The following STXBP5L variants were observed in gnomAD, a reference collection of about 807,000 sequenced individuals.
STXBP5L encodes syntaxin-binding protein 5-like.
In STXBP5L, 65 loss-of-function variants were observed where a neutral mutation model predicts 144.5. That is an observed-to-expected ratio of 0.45 (90% CI 0.37 to 0.55). STXBP5L has a LOEUF of 0.55. Among genes scored for constraint, STXBP5L ranks in the 20% least tolerant of loss-of-function variants. The probability of loss-of-function intolerance (pLI) is 0.00; values close to 1 mark genes in which losing one functional copy is unlikely to be tolerated. For synonymous variants in STXBP5L, 505 were observed against 469.6 expected (o/e 1.08, Z -0.97); for missense variants, 1,298 against 1,405.5 (o/e 0.92, Z 1.22).
intron 5 of STXBP5L, among the ~76,000 whole-genome samples, chr3:121,103,827 A>G (rs2043555082): frequency 6.6e-6 from 1 of 152,194 alleles, no homozygotes; most frequent in South Asian, 2.1e-4. Flanking sequence ...AGAACAGATA[A>G]AGAAAATTAA....
chr3:121,103,326 G>A (rs2043526730), intron 5 of STXBP5L, among the ~76,000 whole-genome samples: 1 of 152,084 alleles, frequency 6.6e-6, no homozygotes, highest in East Asian at 1.9e-4. Context: ...GAAGAAAATT[G>A]GTGCATATAC....
chr3:121,045,630 C>T (rs759680131), intron 5 of STXBP5L, 95 bp downstream of exon 5: 10 of 1,047,774 alleles, frequency 9.5e-6, no homozygotes, highest in Non-Finnish European at 1.4e-5. Context: ...TCCTCATAAT[C>T]TCAACAGCTA....
chr3:121,181,566 T>A (rs377682123), intron 9 of STXBP5L, among the ~76,000 whole-genome samples: 76 of 152,266 alleles, frequency 5.0e-4, no homozygotes, highest in African/African-American at 1.8e-3. Context: ...AAACCCCTTC[T>A]CTACTAAAAA....
Position 121,091,166 on chromosome 3 carries a change from T to C in STXBP5L, c.471-23759T>C, listed in dbSNP as rs573256811. 6.3e-4 allele frequency among the ~76,000 whole-genome samples: 93 copies of C among 147,816 alleles called. 3 individuals are homozygous for C. The highest frequency in any genetic ancestry group is 2.1e-4 in the Non-Finnish European group (14 of 67,772). ...GTGTATATGTGCCACATTTTCTTAA[T>C]CCAGTCTATCATTGATGGACATTTG... On this transcript the variant is annotated intron_variant, in intron 5 of 26. Coordinates refer to ENST00000471454, the MANE Select transcript of STXBP5L (RefSeq NM_001308330.2).
intron 3 of STXBP5L, among the ~76,000 whole-genome samples, chr3:120,957,296 G>A (rs895005549): frequency 4.6e-5 from 7 of 151,786 alleles, no homozygotes; most frequent in East Asian, 1.9e-4. Context: ...TGAAATGATC[G>A]GATAGTTTTT....
intron 2 of STXBP5L, among the ~76,000 whole-genome samples, chr3:120,945,090 T>C (rs1377296838): frequency 6.6e-6 from 1 of 151,842 alleles, no homozygotes; most frequent in African/African-American, 2.4e-5. Context: ...TTACTACAGA[T>C]ATTTTATCTC....
At chr3:120,915,171 C>T (rs1288091156) in intron 2 of STXBP5L, among the ~76,000 whole-genome samples, 3 of 152,100 alleles carry the variant, frequency 2.0e-5, no homozygotes, top group Non-Finnish European at 4.4e-5. Context: ...CTCATACATA[C>T]AGAGCTAAGT....
intron 5 of STXBP5L, among the ~76,000 whole-genome samples, chr3:121,094,148 A>G (rs192901025): frequency 2.4e-4 from 36 of 151,916 alleles, no homozygotes; most frequent in Middle Eastern, 3.4e-3. Flanking sequence ...AGTTTGTTAT[A>G]ATTTCTGTTC....
intron 7 of STXBP5L, among the ~76,000 whole-genome samples, chr3:121,123,788 G>C (rs1577014675): frequency 6.6e-6 from 1 of 151,804 alleles, no homozygotes; most frequent in East Asian, 1.9e-4. Context: ...GCATTTATTA[G>C]CATATAATCT....
intron 3 of STXBP5L, among the ~76,000 whole-genome samples, chr3:120,992,128 T>C (rs1013998164): frequency 2.0e-5 from 3 of 152,140 alleles, no homozygotes; most frequent in Non-Finnish European, 4.4e-5. Flanking sequence ...TCAATCTGCT[T>C]TTTTCTTTAA....
intron 3 of STXBP5L, among the ~76,000 whole-genome samples, chr3:121,037,057 G>A (rs1457916640): frequency 6.6e-6 from 1 of 151,946 alleles, no homozygotes; most frequent in Non-Finnish European, 1.5e-5. Context: ...CTGCTGAGTA[G>A]CTGGGACTAC....
intron 3 of STXBP5L, among the ~76,000 whole-genome samples, chr3:121,006,023 A>T (rs1442606032): frequency 6.6e-6 from 1 of 152,160 alleles, no homozygotes; most frequent in Admixed American, 6.5e-5. Context: ...AAGAATGTGT[A>T]TTCTGATGAT....
intron 22 of STXBP5L, among the ~76,000 whole-genome samples, chr3:121,400,091 T>C (rs1307831461): frequency 6.6e-6 from 1 of 152,246 alleles, no homozygotes. Context: ...CAGAAGGCCC[T>C]CTGCTCTTAA....
At chr3:121,145,643 T>C (rs1041582190) in intron 7 of STXBP5L, among the ~76,000 whole-genome samples, 2 of 151,994 alleles carry the variant, frequency 1.3e-5, no homozygotes, top group African/African-American at 4.8e-5. Flanking sequence ...CGTGTTAAAC[T>C]AAGGAAATAT....
intron 9 of STXBP5L, 127 bp from the exon 10 acceptor site, chr3:121,205,796 C>T: frequency 2.2e-6 from 1 of 452,996 alleles, no homozygotes; most frequent in East Asian, 4.0e-5. Context: ...ATAAGTTTAT[C>T]CTATTATGAC....
chr3:120,980,564 C>G (rs1224033038), intron 3 of STXBP5L, among the ~76,000 whole-genome samples: 4 of 150,084 alleles, frequency 2.7e-5, no homozygotes, highest in Admixed American at 6.6e-5. Context: ...ATATCTGTTT[C>G]TACTTTTTGA....
intron 5 of STXBP5L, among the ~76,000 whole-genome samples, chr3:121,109,723 A>G (rs1048068529): frequency 6.6e-6 from 1 of 152,088 alleles, no homozygotes; most frequent in African/African-American, 2.4e-5. Context: ...TTCTGTAGAT[A>G]CCCAGACCAA....
intron 5 of STXBP5L, among the ~76,000 whole-genome samples, chr3:121,105,171 G>A (rs1198774029): frequency 6.6e-6 from 1 of 152,152 alleles, no homozygotes; most frequent in Non-Finnish European, 1.5e-5. Context: ...GCCGAGGTGG[G>A]TGTATCACGA....
intron 15 of STXBP5L, among the ~76,000 whole-genome samples, chr3:121,254,516 G>C (rs1264149335): frequency 6.6e-6 from 1 of 152,108 alleles, no homozygotes; most frequent in Non-Finnish European, 1.5e-5. Context: ...CTGAGATAAA[G>C]AATAGAGGAG....
Sources: allele counts gnomAD v4.1 joint callset (sites outside exome capture counted in the v4.1 genomes callset), GRCh38; gene constraint gnomAD v4.1.1; transcripts MANE v1.5; gene names NCBI Gene and HGNC (gene_info 2026-07-23, HGNC 2026-07-21).